HHIP: variants seen among roughly 807,000 people sequenced by gnomAD.
HHIP encodes hedgehog-interacting protein.
Under a neutral mutation model 74.0 loss-of-function variants are expected in HHIP, and 12 were observed. The observed-to-expected ratio is 0.16, with a 90% CI of 0.10 to 0.26. The LOEUF (loss-of-function observed/expected upper bound fraction) is 0.26, where lower values mean the gene tolerates loss of function less well. Among genes scored for constraint, HHIP ranks in the 10% least tolerant of loss-of-function variants. The pLI is 1.00. For synonymous variants in HHIP, 309 were observed against 311.6 expected (o/e 0.99, Z 0.09); for missense variants, 788 against 845.0 (o/e 0.93, Z 0.84).
At chr4:144,735,219 A>G (rs1731081178) in intron 12 of HHIP, among the ~76,000 whole-genome samples, 1 of 152,128 alleles carries the variant, frequency 6.6e-6, no homozygotes, top group Non-Finnish European at 1.5e-5. Flanking sequence ...CACACTAGCC[A>G]ATGACTTAGT....
At chr4:144,699,347 A>C (rs546374831) in intron 4 of HHIP, among the ~76,000 whole-genome samples, 1 of 152,282 alleles carries the variant, frequency 6.6e-6, no homozygotes, top group African/African-American at 2.4e-5. Context: ...GAGAGGCATA[A>C]AACAAGATAT....
intron 6 of HHIP, among the ~76,000 whole-genome samples, chr4:144,707,649 A>AAAAAAAAAAAAAG (rs1285129111): frequency 1.3e-5 from 2 of 150,476 alleles, no homozygotes; most frequent in African/African-American, 4.9e-5. Flanking sequence ...ACAGAGGCAA[A>AAAAAAAAAAAAAG]AAAAAAAAAG....
chr4:144,656,954 G>A (rs564702960), intron 2 of HHIP, among the ~76,000 whole-genome samples: 29 of 151,500 alleles, frequency 1.9e-4, no homozygotes, highest in Admixed American at 3.9e-4. Flanking sequence ...TGCCCCTCCC[G>A]TGGAGCACTT....
chr4:144,667,519 T>G (rs922040223), intron 4 of HHIP, among the ~76,000 whole-genome samples: 1 of 152,186 alleles, frequency 6.6e-6, no homozygotes, highest in African/African-American at 2.4e-5. Context: ...AGGATATGTT[T>G]TCTATTTAAA....
At chr4:144,652,962 C>T (rs1728463913) in intron 2 of HHIP, among the ~76,000 whole-genome samples, 165 bp downstream of exon 2, 1 of 152,066 alleles carries the variant, frequency 6.6e-6, no homozygotes, top group African/African-American at 2.4e-5. Flanking sequence ...TTTACTGCCT[C>T]TAAAGGGAAT....
At chr4:144,658,743 A>G (rs760589239) in intron 2 of HHIP, 47 bp from the exon 3 acceptor site, 2 of 1,490,684 alleles carry the variant, frequency 1.3e-6, no homozygotes, top group Non-Finnish European at 9.1e-7. Flanking sequence ...AGGTGGTTTT[A>G]CTATGACATT....
intron 3 of HHIP, among the ~76,000 whole-genome samples, chr4:144,659,228 G>A (rs1728634952): frequency 6.6e-6 from 1 of 152,062 alleles, no homozygotes; most frequent in African/African-American, 2.4e-5. Context: ...TTAGTCTATG[G>A]CACTGTGAAA....
At chr4:144,682,622 AAG>A (rs1729378543) in intron 4 of HHIP, among the ~76,000 whole-genome samples, 1 of 152,376 alleles carries the variant, frequency 6.6e-6, no homozygotes, top group Admixed American at 6.5e-5. Context: ...CAACTTTGGG[AAG>A]AGAGACTGAA....
rs1731326767 is a variant in HHIP at position 144,744,007 on chromosome 4, T to C, written c.*6050T>C. ...TACAATAGAGTCCCTTTCCTAATAC[T>C]GTTATGAAGAAACCAAGTTGACTAC... On this transcript the variant is annotated 3_prime_UTR_variant, in exon 13 of 13. Transcript: ENST00000296575. 1 of 152,140 alleles carries C rather than the reference T, an allele frequency of 6.6e-6. No homozygotes were observed. Among genetic ancestry groups the C allele is most frequent in the African/African-American group, 2.4e-5 (1 of 41,444 alleles). The allele number at this position is 152,140 out of a possible 1,614,324, so 9.4% of individuals were successfully genotyped here. A position where few individuals can be genotyped will look rare whatever the true frequency, so the allele number is the denominator to read the frequency against.
At chr4:144,668,070 C>A (rs1183056603) in intron 4 of HHIP, among the ~76,000 whole-genome samples, 1 of 152,028 alleles carries the variant, frequency 6.6e-6, no homozygotes, top group African/African-American at 2.4e-5. Flanking sequence ...GTAATCCCAG[C>A]ACTTTGGGAG....
chr4:144,717,178 T>C (rs1025590135), intron 10 of HHIP, among the ~76,000 whole-genome samples: 6 of 152,210 alleles, frequency 3.9e-5, no homozygotes, highest in African/African-American at 1.2e-4. Context: ...TGAAACTCGC[T>C]AGCTTTAATT....
chr4:144,667,146 C>T (rs111570868), intron 4 of HHIP, among the ~76,000 whole-genome samples: 8 of 152,210 alleles, frequency 5.3e-5, no homozygotes, highest in African/African-American at 1.9e-4. Context: ...GCCAGGAGTT[C>T]AAGACCAGCT....
chr4:144,694,084 A>C (rs926133024), intron 4 of HHIP, among the ~76,000 whole-genome samples: 3 of 151,956 alleles, frequency 2.0e-5, no homozygotes, highest in Admixed American at 6.6e-5. Context: ...ATTTTGTAAA[A>C]TAGTACTTAA....
chr4:144,742,293 T>C lies in HHIP; in HGVS notation c.*4336T>C, dbSNP rs1331680924. 1 of 152,128 alleles carries C rather than the reference T, an allele frequency of 6.6e-6. No individual in the cohort carries two copies. Among genetic ancestry groups the C allele is most frequent in the East Asian group, 1.9e-4 (1 of 5,192 alleles). 9.4% of individuals were successfully genotyped at this position (152,128 alleles called of 1,614,324 possible). A position where few individuals can be genotyped will look rare whatever the true frequency, so the allele number is the denominator to read the frequency against. ...ATTTTCTCAAATTCTATATAACAAA[T>C]AATAGTGGATAGTAAACAAATGACA... On this transcript the variant is annotated 3_prime_UTR_variant, in exon 13 of 13. Coordinates refer to ENST00000296575, the MANE Select transcript of HHIP (RefSeq NM_022475.3).
intron 7 of HHIP, 104 bp downstream of exon 7, chr4:144,708,415 G>A (rs1217158405): frequency 8.4e-7 from 1 of 1,183,730 alleles, no homozygotes; most frequent in South Asian, 1.4e-5. Context: ...GCAGCCAAAG[G>A]TAGTATCTAA....
chr4:144,655,495 T>TGA (rs1170393035), intron 2 of HHIP, among the ~76,000 whole-genome samples: 3 of 152,144 alleles, frequency 2.0e-5, no homozygotes, highest in Non-Finnish European at 2.9e-5. Context: ...CAGCAGTAGG[T>TGA]TATTGTAGTG....
chr4:144,737,152 A>G (rs574099572), intron 12 of HHIP, among the ~76,000 whole-genome samples: 1 of 152,350 alleles, frequency 6.6e-6, no homozygotes, highest in South Asian at 2.1e-4. Flanking sequence ...AGGTTTGCTC[A>G]GAACATCCTT....
chr4:144,681,823 G>A (rs1458378469), intron 4 of HHIP, among the ~76,000 whole-genome samples: 3 of 152,206 alleles, frequency 2.0e-5, no homozygotes, highest in Non-Finnish European at 4.4e-5. Flanking sequence ...AATTGGGAAG[G>A]CAAAATGAAG....
At chr4:144,658,383 T>G (rs1185105564) in intron 2 of HHIP, among the ~76,000 whole-genome samples, 1 of 151,804 alleles carries the variant, frequency 6.6e-6, no homozygotes, top group Non-Finnish European at 1.5e-5. Context: ...ATTTATTTAT[T>G]TTTTCAGAAG....
Sources: allele counts gnomAD v4.1 joint callset (sites outside exome capture counted in the v4.1 genomes callset), GRCh38; gene constraint gnomAD v4.1.1; transcripts MANE v1.5; gene names NCBI Gene and HGNC (gene_info 2026-07-23, HGNC 2026-07-21).